Variants in ALCAM observed in about 807,000 individuals in gnomAD.
The protein encoded by ALCAM is activated leukocyte cell adhesion molecule, also known as CD166 antigen.
A neutral mutation model predicts 70.9 loss-of-function variants in ALCAM; 30 were observed. The observed-to-expected ratio is 0.42, with a 90% confidence interval of 0.32 to 0.57. ALCAM has a LOEUF of 0.57. Ranked by LOEUF, ALCAM falls within the 20% of genes least tolerant of loss-of-function variation. ALCAM has a pLI of 0.11. For synonymous variants in ALCAM, 249 were observed against 242.5 expected, an observed-to-expected ratio of 1.03 and a Z score of -0.25; for missense variants, 591 against 695.1, an observed-to-expected ratio of 0.85 and a Z score of 1.68.
At chr3:105,480,015 C>T (rs1297066827) in intron 1 of ALCAM, among the ~76,000 whole-genome samples, 3 of 152,112 alleles carry the variant, frequency 2.0e-5, no homozygotes, top group Non-Finnish European at 4.4e-5. Context: ...TGAATATACA[C>T]ATTTTGGCAT....
At chr3:105,399,199 C>T (rs185122237) in intron 1 of ALCAM, among the ~76,000 whole-genome samples, 27 of 152,144 alleles carry the variant, frequency 1.8e-4, no homozygotes, top group Admixed American at 4.6e-4. Context: ...AGATATAGTT[C>T]AGACACTGAT....
intron 14 of ALCAM, among the ~76,000 whole-genome samples, chr3:105,554,151 G>A (rs185814713): frequency 2.8e-4 from 43 of 151,832 alleles, no homozygotes; most frequent in African/African-American, 7.2e-4. Context: ...ACATGATTAC[G>A]GAGGCTGAGA....
In ALCAM at chr3:105,547,530, A is replaced by G. The variant is rs760380430; in HGVS notation, c.1374+7A>G. On this transcript the variant is annotated splice_region_variant and intron_variant, in intron 11 of 15. Coordinates refer to ENST00000306107, the MANE Select transcript of ALCAM (RefSeq NM_001627.4). Reference sequence around the variant, plus strand: ...TGGAAGCGTCATAAACCAAGCAAGTATTTGTCTTCTTGTTATATGCTGCAC... The same window carrying G: ...TGGAAGCGTCATAAACCAAGCAAGTGTTTGTCTTCTTGTTATATGCTGCAC... The G allele has an allele frequency of 1.2e-6, 2 of 1,605,470 alleles. No homozygotes were observed. The highest frequency in any genetic ancestry group is 1.7e-6 in the Non-Finnish European group (2 of 1,175,952).
intron 1 of ALCAM, among the ~76,000 whole-genome samples, chr3:105,515,131 C>A (rs1939347161): frequency 1.3e-5 from 2 of 151,740 alleles, no homozygotes; most frequent in Admixed American, 1.3e-4. Flanking sequence ...ATCTTAAACT[C>A]TTGTTTATAC....
chr3:105,378,703 A>C (rs1935439693), intron 1 of ALCAM, among the ~76,000 whole-genome samples: 1 of 151,690 alleles, frequency 6.6e-6, no homozygotes, highest in African/African-American at 2.4e-5. Flanking sequence ...TAGAATGGCA[A>C]ATACGTATCT....
chr3:105,481,936 A>G (rs1267686022), intron 1 of ALCAM, among the ~76,000 whole-genome samples: 1 of 152,168 alleles, frequency 6.6e-6, no homozygotes, highest in African/African-American at 2.4e-5. Context: ...TCGCTTTTTC[A>G]CTATTTACTG....
chr3:105,463,619 C>T (rs1412431215), intron 1 of ALCAM, among the ~76,000 whole-genome samples: 1 of 151,412 alleles, frequency 6.6e-6, no homozygotes. Flanking sequence ...CCACCTGCAT[C>T]ATAAGGCTAG....
chr3:105,443,903 C>CA (rs76080045), intron 1 of ALCAM, among the ~76,000 whole-genome samples: 22,762 of 151,820 alleles, frequency 0.15, 1,813 homozygotes, highest in Middle Eastern at 0.19. Flanking sequence ...GTCACAATGC[C>CA]AAAAAAACAT....
At chr3:105,552,105 A>G (rs775436196) in intron 12 of ALCAM, 39 bp from the exon 13 acceptor site, 3 of 1,513,566 alleles carry the variant, frequency 2.0e-6, no homozygotes, top group African/African-American at 1.4e-5. Flanking sequence ...ATATCAACAA[A>G]TTTTGTTTTT....
chr3:105,477,243 T>G (rs1380017163), intron 1 of ALCAM, among the ~76,000 whole-genome samples: 2 of 152,170 alleles, frequency 1.3e-5, no homozygotes, highest in African/African-American at 4.8e-5. Context: ...TTACCTTTTC[T>G]AATGCTCTTC....
chr3:105,472,753 G>A (rs1222776145), intron 1 of ALCAM, among the ~76,000 whole-genome samples: 1 of 151,412 alleles, frequency 6.6e-6, no homozygotes, highest in Non-Finnish European at 1.5e-5. Flanking sequence ...CAAGTAGTGA[G>A]AGCTAGAACA....
intron 1 of ALCAM, among the ~76,000 whole-genome samples, chr3:105,415,945 T>G (rs1488735987): frequency 1.3e-5 from 2 of 152,044 alleles, no homozygotes; most frequent in African/African-American, 4.8e-5. Flanking sequence ...CATTCTCCAT[T>G]GTATCTCTAT....
At chr3:105,509,742 C>T (rs1038522) in intron 1 of ALCAM, among the ~76,000 whole-genome samples, 21,775 of 151,878 alleles carry the variant, frequency 0.14, 1,954 homozygotes, top group Non-Finnish European at 0.21. Flanking sequence ...GTCTTACCTG[C>T]GTATTTTAAT....
intron 1 of ALCAM, among the ~76,000 whole-genome samples, chr3:105,448,230 C>A (rs1937341804): frequency 6.6e-6 from 1 of 152,124 alleles, no homozygotes. Flanking sequence ...AAGCAATTTT[C>A]ATGTATAGAT....
chr3:105,517,554 C>T (rs1939416178), intron 1 of ALCAM, among the ~76,000 whole-genome samples: 1 of 152,124 alleles, frequency 6.6e-6, no homozygotes, highest in Non-Finnish European at 1.5e-5. Context: ...AAGAAAGGGA[C>T]ATTTCATGAT....
intron 1 of ALCAM, among the ~76,000 whole-genome samples, chr3:105,483,563 A>AT (rs1249311040): frequency 2.6e-5 from 4 of 152,162 alleles, no homozygotes; most frequent in Admixed American, 6.5e-5. Flanking sequence ...TTGTGCCTGT[A>AT]AAATGTCTGT....
At chr3:105,395,087 T>C (rs1935917164) in intron 1 of ALCAM, among the ~76,000 whole-genome samples, 1 of 151,938 alleles carries the variant, frequency 6.6e-6, no homozygotes, top group African/African-American at 2.4e-5. Context: ...ATTCTCAAAG[T>C]TTATCTTAAG....
intron 1 of ALCAM, among the ~76,000 whole-genome samples, chr3:105,461,682 T>C (rs1266043848): frequency 6.6e-6 from 1 of 151,772 alleles, no homozygotes; most frequent in Non-Finnish European, 1.5e-5. Flanking sequence ...GAGTAGCTTA[T>C]TCTTAGTGGA....
At chr3:105,391,838 GT>G (rs572087344) in intron 1 of ALCAM, among the ~76,000 whole-genome samples, 2 of 152,022 alleles carry the variant, frequency 1.3e-5, no homozygotes, top group South Asian at 2.1e-4. Flanking sequence ...AATTATTGTG[GT>G]TTTTTTCCTT....
Sources: gnomAD v4.1 joint callset for allele counts (sites outside exome capture counted in the v4.1 genomes callset) on GRCh38, gnomAD v4.1.1 for gene constraint, MANE v1.5 for transcripts, NCBI Gene and HGNC (gene_info 2026-07-23, HGNC 2026-07-21) for gene names.